Variants in CHRM1 observed in about 807,000 individuals in gnomAD.
CHRM1 encodes muscarinic acetylcholine receptor M1.
In CHRM1, 5 loss-of-function variants were observed where a neutral mutation model predicts 31.6. The ratio of observed to expected loss-of-function variants is 0.16; its 90% CI spans 0.08 to 0.33. CHRM1 has a LOEUF of 0.33. Among genes scored for constraint, CHRM1 ranks in the 10% least tolerant of loss-of-function variants. The pLI is 1.00. For synonymous variants in CHRM1, 227 were observed against 249.7 expected, an observed-to-expected ratio of 0.91 and a Z score of 0.86; for missense variants, 338 against 610.3, an observed-to-expected ratio of 0.55 and a Z score of 4.70.
At position 62,910,568 on chromosome 11, in the gene CHRM1, C is replaced by T; in HGVS notation, c.533G>A (p.Cys178Tyr). ...VGERTVLAGQCYIQFLSQPII... is the reference protein window; with the variant it reads ...VGERTVLAGQYYIQFLSQPII... ...GGGCTGGGAGAGGAACTGGATGTAGCACTGCCCAGCTAGCACTGTCCGCTC... is the reference window on the plus strand; with the variant it reads ...GGGCTGGGAGAGGAACTGGATGTAGTACTGCCCAGCTAGCACTGTCCGCTC... The change falls in exon 2 of 2, where the codon TGC becomes TAC. Residue 178 changes from cysteine (C) to tyrosine (Y), a missense_variant. Physicochemically the swap from Cys to Tyr is radical, Grantham distance 194 (BLOSUM62 -2). Around this residue, in one of 4 missense-constraint regions of CHRM1, gnomAD observed 85 missense variants for 257.7 expected, o/e 0.33. Transcript: ENST00000306960. The surrounding 1 kb of genome is among the most constrained non-coding windows in gnomAD (Gnocchi z 8.7). 2.5e-6 allele frequency: 4 copies of T among 1,614,180 alleles called. No homozygotes were observed. Among genetic ancestry groups the T allele is most frequent in the Non-Finnish European group, 3.4e-6 (4 of 1,180,030 alleles).
At chr11:62,915,561 T>G (rs1227939350) in intron 1 of CHRM1, among the ~76,000 whole-genome samples, 3 of 152,220 alleles carry the variant, frequency 2.0e-5, no homozygotes, top group African/African-American at 7.2e-5. Flanking sequence ...GTGAGTATTT[T>G]TACGTCCCCC....
Position 62,909,415 on chromosome 11 carries a change from G to C in CHRM1, c.*303C>G. 1 of 412,054 alleles carries C rather than the reference G, an allele frequency of 2.4e-6. No homozygotes were observed. The highest frequency in any genetic ancestry group is 4.4e-6 in the Non-Finnish European group (1 of 229,048). 25.5% of individuals were successfully genotyped at this position (412,054 alleles called of 1,614,324 possible). ...CCGCCCTGCTGGCTCCTGACTTCCT[G>C]CCTAAAGGCAAACAAGGAGTCCAAA... On this transcript the variant is annotated 3_prime_UTR_variant, in exon 2 of 2. Coordinates refer to ENST00000306960, the MANE Select transcript of CHRM1 (RefSeq NM_000738.3).
chr11:62,912,228 C>T (rs910716207), intron 1 of CHRM1, among the ~76,000 whole-genome samples: 5 of 151,878 alleles, frequency 3.3e-5, no homozygotes, highest in Admixed American at 6.6e-5. Context: ...ATTAGCCGGG[C>T]GTGGTGGCAC....
chr11:62,911,826 G>A (rs2085872537), intron 1 of CHRM1, among the ~76,000 whole-genome samples: 2 of 152,172 alleles, frequency 1.3e-5, no homozygotes, highest in Admixed American at 1.3e-4. Context: ...GGTATGTGGT[G>A]CTCCAGTGGG....
At chr11:62,917,828 C>T (rs1010308306) in intron 1 of CHRM1, 2 of 152,180 alleles carry the variant, frequency 1.3e-5, no homozygotes, top group African/African-American at 4.8e-5. Flanking sequence ...CTGGTATTTA[C>T]TGGCTGCATA....
At position 62,910,304 on chromosome 11, in the gene CHRM1, G is replaced by A; in HGVS notation, c.797C>T (p.Pro266Leu). 2 of 1,612,120 alleles carry A rather than the reference G, an allele frequency of 1.2e-6. No homozygotes were observed. The highest frequency in any genetic ancestry group is 2.2e-5 in the East Asian group (1 of 44,852). ...PGRCCRCCRA[P>L]RLLQAYSWKE... ...CCAGCTGTAGGCCTGCAGCAGCCTG[G>A]GGGCCCGGCAGCAGCGACAGCAGCG... The change falls in exon 2 of 2, where the codon CCC (proline) becomes CTC (leucine). Residue 266 changes from proline to leucine, a missense_variant. Pro to Leu is a moderately conservative substitution (Grantham distance 98). Around this residue, in one of 4 missense-constraint regions of CHRM1, gnomAD observed 183 missense variants for 223.4 expected, o/e 0.82. Transcript: ENST00000306960. The surrounding 1 kb of genome is among the most constrained non-coding windows in gnomAD (Gnocchi z 8.7).
At chr11:62,918,412 TG>T (rs900917599) in intron 1 of CHRM1, 7 of 152,184 alleles carry the variant, frequency 4.6e-5, no homozygotes, top group Non-Finnish European at 1.0e-4. Context: ...GGTGAACCTG[TG>T]GGGGTCAGGA....
At chr11:62,912,716 G>C (rs945243597) in intron 1 of CHRM1, among the ~76,000 whole-genome samples, 5 of 148,846 alleles carry the variant, frequency 3.4e-5, no homozygotes, top group Non-Finnish European at 7.4e-5. Context: ...TCAGCCAGGG[G>C]CTTGCTGCCA....
intron 1 of CHRM1, among the ~76,000 whole-genome samples, chr11:62,916,524 G>A (rs2085901228): frequency 6.6e-6 from 1 of 152,232 alleles, no homozygotes; most frequent in Non-Finnish European, 1.5e-5. Context: ...CCTTGGAGGT[G>A]AGGAAGCCGG....
At chr11:62,918,745 G>A (rs535447564) in intron 1 of CHRM1, among the ~76,000 whole-genome samples, 10 of 152,250 alleles carry the variant, frequency 6.6e-5, no homozygotes, top group South Asian at 6.2e-4. Flanking sequence ...GACTCCCAGC[G>A]CCCAGGACCA....
intron 1 of CHRM1, among the ~76,000 whole-genome samples, chr11:62,912,869 G>A (rs1243708762): frequency 6.6e-6 from 1 of 152,236 alleles, no homozygotes; most frequent in Non-Finnish European, 1.5e-5. Context: ...TTAGGCAAGG[G>A]CCCACTGAGC....
chr11:62,916,029 C>T (rs547232992), intron 1 of CHRM1, among the ~76,000 whole-genome samples: 5 of 152,186 alleles, frequency 3.3e-5, no homozygotes, highest in African/African-American at 7.2e-5. Flanking sequence ...AGGCTGGTCT[C>T]GAACTCCTGA....
chr11:62,915,619 C>T (rs2135045745), intron 1 of CHRM1, among the ~76,000 whole-genome samples: 1 of 152,288 alleles, frequency 6.6e-6, no homozygotes, highest in East Asian at 1.9e-4. Flanking sequence ...TCACCCTAGT[C>T]CTGGCCTTGT....
At chr11:62,915,932 C>T (rs1319266945) in intron 1 of CHRM1, among the ~76,000 whole-genome samples, 3 of 152,158 alleles carry the variant, frequency 2.0e-5, no homozygotes, top group Non-Finnish European at 2.9e-5. Flanking sequence ...GCCTCAGCCT[C>T]CCGAGTAGCT....
chr11:62,910,120 C>A lies in CHRM1; in HGVS notation c.981G>T (p.Lys327Asn). 6.2e-7 allele frequency: 1 copy of A among 1,611,004 alleles called. No individual in the cohort carries two copies. Among genetic ancestry groups the A allele is most frequent in the Non-Finnish European group, 8.5e-7 (1 of 1,178,940 alleles). ...GATCACGCCCTTTCTTAGTCGGCCT[C>A]TTGACTGTATTTGGGGAGCTCCGTG... ...QPPRSSPNTV[K>N]RPTKKGRDRA... The change falls in exon 2 of 2, where the codon AAG (lysine) becomes AAT (asparagine). Residue 327 changes from lysine (K) to asparagine (N), a missense_variant. Lys to Asn is a moderately conservative substitution (Grantham distance 94, BLOSUM62 0). Coordinates refer to ENST00000306960, the MANE Select transcript of CHRM1 (RefSeq NM_000738.3). This position sits in a 1 kb window ranked among gnomAD's most constrained non-coding sequence, Gnocchi z 8.7.
intron 1 of CHRM1, among the ~76,000 whole-genome samples, chr11:62,912,367 C>CA (rs571661164): frequency 0.26 from 17,532 of 66,188 alleles, 1,652 homozygotes; most frequent in South Asian, 0.43. Flanking sequence ...GACTCCATCT[C>CA]AAAAAAAAAA....
chr11:62,916,258 A>C (rs2085899866), intron 1 of CHRM1, among the ~76,000 whole-genome samples: 1 of 152,136 alleles, frequency 6.6e-6, no homozygotes, highest in African/African-American at 2.4e-5. Flanking sequence ...GTGTCTGGGG[A>C]GATTTTACTA....
chr11:62,910,444 T>G lies in CHRM1; in HGVS notation c.657A>C (p.Ala219=). ...AGCCCTGAAGGGCTGCCAGCTCCCG[T>G]GCTCGGTTCTCTGTCTCCCGGTAGA... is the stretch of plus-strand genomic sequence containing the variant. The part of the protein sequence containing the change: ...WRIYRETENR[A]RELAALQGSE... Residue 219 remains alanine, a synonymous_variant, in exon 2 of 2, where the codon GCA becomes GCC. Coordinates refer to ENST00000306960, the MANE Select transcript of CHRM1 (RefSeq NM_000738.3). The surrounding 1 kb of genome is among the most constrained non-coding windows in gnomAD (Gnocchi z 8.7). 6.2e-7 allele frequency: 1 copy of G among 1,613,836 alleles called. No individual in the cohort carries two copies.
intron 1 of CHRM1, chr11:62,920,585 T>C (rs2085928058): frequency 6.6e-6 from 1 of 152,198 alleles, no homozygotes; most frequent in African/African-American, 2.4e-5. Context: ...CTTCCCTGGC[T>C]AGTGTGGCCA....
Sources: allele counts gnomAD v4.1 joint callset (sites outside exome capture counted in the v4.1 genomes callset), GRCh38; gene constraint gnomAD v4.1.1; regional missense constraint gnomAD v4.1.1; non-coding constraint Gnocchi (gnomAD v3.1); transcripts MANE v1.5; gene names NCBI Gene and HGNC (gene_info 2026-07-23, HGNC 2026-07-21).